Variants in CCDC169 observed in about 807,000 individuals in gnomAD.
CCDC169 encodes coiled-coil domain-containing protein 169.
CCDC169 carries 30 observed loss-of-function variants against 36.0 expected under a neutral mutation model. The ratio of observed to expected loss-of-function variants is 0.83; its 90% confidence interval spans 0.62 to 1.13. The LOEUF (loss-of-function observed/expected upper bound fraction) is 1.13, where lower values mean the gene tolerates loss of function less well. Among genes scored for constraint, CCDC169 ranks in the 50% most tolerant of loss-of-function variants. CCDC169 has a pLI of 0.00. For missense variants in CCDC169, 245 were observed against 245.9 expected, an observed-to-expected ratio of 1.00 and a Z score of 0.03; for synonymous variants, 85 against 81.5, an observed-to-expected ratio of 1.04 and a Z score of -0.23.
At chr13:36,277,845 T>G (rs1877019878) in intron 4 of CCDC169, among the ~76,000 whole-genome samples, 1 of 150,868 alleles carries the variant, frequency 6.6e-6, no homozygotes, top group South Asian at 2.1e-4. Context: ...CTCGGGAGGC[T>G]GAGGCAGGAG....
intron 4 of CCDC169, among the ~76,000 whole-genome samples, chr13:36,263,185 C>T (rs146461533): frequency 2.7e-4 from 39 of 143,904 alleles, no homozygotes; most frequent in East Asian, 8.2e-4. Context: ...AACATTGGTA[C>T]GAAAGTAGAG....
rs141272323 is a variant in CCDC169, at chr13:36,233,902, T to C, written c.546-2610A>G. 6.5e-3 allele frequency among the ~76,000 whole-genome samples: 989 copies of C among 152,328 alleles called. 14 individuals carry two copies. Among genetic ancestry groups the C allele is most frequent in the African/African-American group, 0.023 (945 of 41,566 alleles). On this transcript the variant is annotated intron_variant, in intron 7 of 7. Transcript: ENST00000239859. ...GCTGTCTTAAGTGGGAAAGTTTGCA[T>C]TAATGTGGAGAATCTCCACTAATGC...
chr13:36,258,283 C>A (rs1486674202), intron 4 of CCDC169, among the ~76,000 whole-genome samples: 1 of 152,132 alleles, frequency 6.6e-6, no homozygotes. Flanking sequence ...GAGTCCTGCT[C>A]CCCTACAGAG....
At chr13:36,264,686 C>G (rs1161095638) in intron 4 of CCDC169, among the ~76,000 whole-genome samples, 1 of 152,168 alleles carries the variant, frequency 6.6e-6, no homozygotes, top group African/African-American at 2.4e-5. Context: ...GTGACTTAGA[C>G]TATATCTTGC....
At position 36,271,346 on chromosome 13, in the gene CCDC169, G is replaced by A. The variant is rs1249446706; in HGVS notation, c.315+12123C>T. Among the ~76,000 whole-genome samples the A allele has an allele frequency of 3.9e-5, 6 of 152,116 alleles. No individual in the cohort carries two copies. The East Asian group carries it at 5.8e-4, about 15-fold the overall frequency. On this transcript the variant is annotated intron_variant, in intron 4 of 7. Coordinates refer to ENST00000239859, the MANE Select transcript of CCDC169 (RefSeq NM_001144981.3). ...GTACAACCTCTATAGAAAACAGTAC[G>A]GAGATTCCTTAAACAGCTAAAAGTA...
rs117239043 is a variant in CCDC169, at chr13:36,283,869, A to T, written c.164-167T>A. ...TTAAGTCTGTATTTCTGTTAGTAAG[A>T]TTTTCCAGACTGCAAGAATTAGACT... On this transcript the variant is annotated intron_variant, in intron 2 of 7. Coordinates refer to ENST00000239859, the MANE Select transcript of CCDC169 (RefSeq NM_001144981.3). 2.0e-5 allele frequency among the ~76,000 whole-genome samples: 3 copies of T among 152,130 alleles called. No individual in the cohort carries two copies. In the East Asian group the frequency reaches 5.8e-4, roughly 29 times the overall value.
rs1394122734 is a variant in CCDC169 at position 36,230,970 on chromosome 13, A to AT, written c.*222dup. On this transcript the variant is annotated 3_prime_UTR_variant, in exon 8 of 8. Coordinates refer to ENST00000239859, the MANE Select transcript of CCDC169 (RefSeq NM_001144981.3). ...TGCCAGCCTTCAGATTCCCTAGGAT[A>AT]TTTTAAAACTCTCAAGCACTTCTAT... The AT allele has an allele frequency of 7.9e-7, 1 of 1,264,176 alleles. No homozygotes were observed. Among genetic ancestry groups the AT allele is most frequent in the African/African-American group, 1.5e-5 (1 of 64,920 alleles). The allele number at this position is 1,264,176 out of a possible 1,614,324, so 78.3% of individuals were successfully genotyped here. A position where few individuals can be genotyped will look rare whatever the true frequency, so the allele number is the denominator to read the frequency against.
rs1011603690 is a variant in CCDC169 at position 36,277,867 on chromosome 13, C to T, written c.315+5602G>A. Among the ~76,000 whole-genome samples, 14 of 151,706 alleles carry T rather than the reference C, an allele frequency of 9.2e-5. 1 individual carries two copies. Among genetic ancestry groups the T allele is most frequent in the Middle Eastern group, 6.3e-3 (2 of 316 alleles). On this transcript the variant is annotated intron_variant, in intron 4 of 7. Coordinates refer to ENST00000239859, the MANE Select transcript of CCDC169 (RefSeq NM_001144981.3). ...GGCTGAGGCAGGAGAATCGCTTGAA[C>T]CCGGGAAGCTGACGTTGCAGTGACC...
intron 2 of CCDC169, 39 bp downstream of exon 2, chr13:36,295,739 T>C (rs1384064716): frequency 9.7e-7 from 1 of 1,034,342 alleles, no homozygotes; most frequent in Non-Finnish European, 1.4e-6. Context: ...TGAACAATAA[T>C]TATACAGGAG....
At chr13:36,232,305 G>C (rs1870524086) in intron 7 of CCDC169, among the ~76,000 whole-genome samples, 1 of 152,168 alleles carries the variant, frequency 6.6e-6, no homozygotes, top group African/African-American at 2.4e-5. Flanking sequence ...TATTTAAACA[G>C]TCTGGTGATT....
chr13:36,263,543 A>G (rs1874864335), intron 4 of CCDC169, among the ~76,000 whole-genome samples: 1 of 152,238 alleles, frequency 6.6e-6, no homozygotes, highest in Non-Finnish European at 1.5e-5. Context: ...TTTAAAAATT[A>G]TATTAAGAGA....
At chr13:36,292,224 C>T (rs999877348) in intron 2 of CCDC169, among the ~76,000 whole-genome samples, 1 of 152,106 alleles carries the variant, frequency 6.6e-6, no homozygotes, top group African/African-American at 2.4e-5. Context: ...GAACTTCTGA[C>T]CTCAGGTGAT....
chr13:36,226,873 T>C, downstream of CCDC169: 1 of 360,736 alleles, frequency 2.8e-6, no homozygotes, highest in East Asian at 4.0e-5. Flanking sequence ...ATGGGATTAT[T>C]TGTGCCCCAA....
intron 4 of CCDC169, among the ~76,000 whole-genome samples, chr13:36,274,904 T>C (rs1490021859): frequency 7.6e-6 from 1 of 132,222 alleles, no homozygotes; most frequent in Non-Finnish European, 1.6e-5. Context: ...AAAGTCTCCC[T>C]GTCGCCCAGG....
chr13:36,264,237 T>C (rs532700524), intron 4 of CCDC169, among the ~76,000 whole-genome samples: 1 of 152,176 alleles, frequency 6.6e-6, no homozygotes, highest in African/African-American at 2.4e-5. Context: ...AGCCAAAATC[T>C]GAAACATACA....
chr13:36,283,547 A>G, intron 3 of CCDC169, 38 bp from the exon 4 acceptor site: 1 of 1,550,766 alleles, frequency 6.4e-7, no homozygotes, highest in Non-Finnish European at 8.7e-7. Context: ...ATGTTTTATC[A>G]GTTTTAACTC....
chr13:36,271,859 C>T (rs556975051), intron 4 of CCDC169, among the ~76,000 whole-genome samples: 123 of 151,782 alleles, frequency 8.1e-4, no homozygotes, highest in African/African-American at 1.2e-3. Flanking sequence ...CCAAAGCGGG[C>T]GGATCACGAG....
At chr13:36,253,659 A>G (rs1163591405) in intron 6 of CCDC169, 144 bp downstream of exon 6, 3 of 956,388 alleles carry the variant, frequency 3.1e-6, no homozygotes, top group East Asian at 2.7e-5. Context: ...TACAAGTTGT[A>G]TATTTTCCTG....
chr13:36,249,933 T>C (rs1379205727), intron 6 of CCDC169, among the ~76,000 whole-genome samples: 1 of 148,286 alleles, frequency 6.7e-6, no homozygotes, highest in Non-Finnish European at 1.5e-5. Context: ...GGTTTGGGTA[T>C]ATTGGAACAG....
Sources: gnomAD v4.1 joint callset for allele counts (sites outside exome capture counted in the v4.1 genomes callset) on GRCh38, gnomAD v4.1.1 for gene constraint, MANE v1.5 for transcripts, NCBI Gene and HGNC (gene_info 2026-07-23, HGNC 2026-07-21) for gene names.